DOCK3: variants seen among roughly 807,000 people sequenced by gnomAD.
DOCK3 encodes dedicator of cytokinesis protein 3.
In DOCK3, 60 loss-of-function variants were observed where a neutral mutation model predicts 265.6. The observed-to-expected ratio is 0.23, with a 90% CI of 0.18 to 0.28. DOCK3 has a LOEUF of 0.28. Ranked by LOEUF, DOCK3 falls within the 10% of genes least tolerant of loss-of-function variation. The pLI is 1.00. For synonymous variants in DOCK3, 881 were observed against 938.0 expected (o/e 0.94, Z 1.11); for missense variants, 1,981 against 2,594.3 (o/e 0.76, Z 5.14).
intron 1 of DOCK3, among the ~76,000 whole-genome samples, chr3:50,726,055 T>C (rs759225100): frequency 6.6e-6 from 1 of 152,108 alleles, no homozygotes. Context: ...CCTGTGCACA[T>C]CCTCCCATAT....
At chr3:50,715,644 C>T (rs1343708080) in intron 1 of DOCK3, among the ~76,000 whole-genome samples, 1 of 152,098 alleles carries the variant, frequency 6.6e-6, no homozygotes, top group African/African-American at 2.4e-5. Flanking sequence ...GAGGACAGAA[C>T]ACCATTTGCA....
intron 5 of DOCK3, among the ~76,000 whole-genome samples, chr3:51,003,753 A>G (rs1435558183): frequency 1.3e-5 from 2 of 152,202 alleles, no homozygotes; most frequent in East Asian, 3.8e-4. Context: ...TCACTTGGAC[A>G]TGTTCTATTC....
intron 22 of DOCK3, among the ~76,000 whole-genome samples, chr3:51,249,350 C>T (rs2079046632): frequency 6.9e-6 from 1 of 145,444 alleles, no homozygotes. Context: ...CCCGCCCGGC[C>T]AGCCGCCCAG....
At chr3:50,830,849 G>T (rs1255518876) in intron 2 of DOCK3, among the ~76,000 whole-genome samples, 1 of 152,110 alleles carries the variant, frequency 6.6e-6, no homozygotes, top group Non-Finnish European at 1.5e-5. Context: ...AGGAATGAAA[G>T]AATGGCTACT....
chr3:50,804,032 C>T lies in DOCK3; in HGVS notation c.121+25274C>T, dbSNP rs559576819. The stretch of plus-strand genomic sequence containing the variant: ...CTCACCTCCCAGACGGGGTGGTGGT[C>T]GGGCAGAGACACTCCTTAGTTCCCA... On this transcript the variant is annotated intron_variant, in intron 2 of 52. Coordinates refer to ENST00000266037, the MANE Select transcript of DOCK3 (RefSeq NM_004947.5). 5.4e-4 allele frequency among the ~76,000 whole-genome samples: 79 copies of T among 146,658 alleles called. No individual in the cohort carries two copies. In the South Asian group the frequency reaches 8.3e-3, roughly 15 times the overall value.
intron 5 of DOCK3, among the ~76,000 whole-genome samples, chr3:51,056,315 C>T: frequency 6.6e-6 from 1 of 152,230 alleles, no homozygotes. Flanking sequence ...GTGGCACAAT[C>T]TCGGCTCACT....
chr3:51,269,863 G>A (rs973416334), intron 23 of DOCK3, among the ~76,000 whole-genome samples: 3 of 152,134 alleles, frequency 2.0e-5, no homozygotes, highest in African/African-American at 7.2e-5. Context: ...CCAGTATCAA[G>A]ACATAAGTAA....
intron 5 of DOCK3, among the ~76,000 whole-genome samples, chr3:51,027,493 T>C (rs2079870795): frequency 6.6e-6 from 1 of 152,128 alleles, no homozygotes; most frequent in South Asian, 2.1e-4. Flanking sequence ...AGAATTTCTT[T>C]GTTAGTTTTT....
At chr3:50,998,221 G>C (rs2078350743) in intron 5 of DOCK3, among the ~76,000 whole-genome samples, 1 of 152,120 alleles carries the variant, frequency 6.6e-6, no homozygotes, top group African/African-American at 2.4e-5. Context: ...GGTTTTCCTA[G>C]CCCTCATCCC....
At position 51,062,162 on chromosome 3, in the gene DOCK3, G is replaced by A. The variant is rs2081433069; in HGVS notation, c.316-2286G>A. Among the ~76,000 whole-genome samples, 5 of 152,258 alleles carry A rather than the reference G, an allele frequency of 3.3e-5. No homozygotes were observed. The South Asian group carries it at 1.0e-3, about 32-fold the overall frequency. On this transcript the variant is annotated intron_variant, in intron 5 of 52. Transcript: ENST00000266037. ...GTTTATCTTCAATAGAGCACTCAGA[G>A]TGATGCTTTCGAGACTTAAGTCATA...
intron 9 of DOCK3, among the ~76,000 whole-genome samples, chr3:51,118,389 A>G (rs1013855469): frequency 4.6e-5 from 7 of 152,072 alleles, no homozygotes; most frequent in Non-Finnish European, 5.9e-5. Context: ...TATGTGGTCA[A>G]TTTTCGAATA....
chr3:50,828,238 C>T (rs1305937873), intron 2 of DOCK3, among the ~76,000 whole-genome samples: 3 of 151,734 alleles, frequency 2.0e-5, no homozygotes, highest in African/African-American at 4.8e-5. Flanking sequence ...AGAAAACATG[C>T]ACTCTTATTA....
chr3:50,729,172 T>G (rs1053837785), intron 1 of DOCK3, among the ~76,000 whole-genome samples: 6 of 147,878 alleles, frequency 4.1e-5, no homozygotes, highest in African/African-American at 1.5e-4. Flanking sequence ...AATACAAAAA[T>G]TAGCCAGGTG....
At chr3:51,180,112 G>A (rs1042856791) in intron 12 of DOCK3, among the ~76,000 whole-genome samples, 1 of 151,044 alleles carries the variant, frequency 6.6e-6, no homozygotes. Context: ...CAAGGCTGAG[G>A]CAGGAGAATC....
chr3:50,902,885 C>T (rs1039537764), intron 4 of DOCK3, among the ~76,000 whole-genome samples: 2 of 152,174 alleles, frequency 1.3e-5, no homozygotes, highest in Non-Finnish European at 2.9e-5. Flanking sequence ...AGAGGTCCTA[C>T]ACCTGTCTGG....
At chr3:51,002,067 C>G (rs543812445) in intron 5 of DOCK3, among the ~76,000 whole-genome samples, 77 of 152,044 alleles carry the variant, frequency 5.1e-4, no homozygotes, top group Non-Finnish European at 8.1e-4. Flanking sequence ...TGCCTCAGCC[C>G]CCTGAGCAGC....
intron 5 of DOCK3, among the ~76,000 whole-genome samples, chr3:51,010,149 C>T (rs1197936586): frequency 6.6e-6 from 1 of 152,148 alleles, no homozygotes; most frequent in Non-Finnish European, 1.5e-5. Flanking sequence ...TGGTGCAGAG[C>T]TGAGTTCAGT....
At chr3:50,737,318 GGACCAA>G (rs1457276963) in intron 1 of DOCK3, among the ~76,000 whole-genome samples, 1 of 152,170 alleles carries the variant, frequency 6.6e-6, no homozygotes, top group Non-Finnish European at 1.5e-5. Context: ...GGCAGGAGCA[GGACCAA>G]GACAGGGGGT....
chr3:51,249,325 G>A (rs1470777258), intron 22 of DOCK3, among the ~76,000 whole-genome samples: 6 of 147,352 alleles, frequency 4.1e-5, no homozygotes, highest in Non-Finnish European at 9.1e-5. Context: ...CGGGAGGGAG[G>A]TGGGGGGTTC....
Sources: gnomAD v4.1 joint callset for allele counts (sites outside exome capture counted in the v4.1 genomes callset) on GRCh38, gnomAD v4.1.1 for gene constraint, MANE v1.5 for transcripts, NCBI Gene and HGNC (gene_info 2026-07-23, HGNC 2026-07-21) for gene names.